The following MPND variants were observed in gnomAD, a reference collection of about 807,000 sequenced individuals.
The protein encoded by MPND is MPN domain containing, also known as MPN domain-containing protein.
MPND carries 56 observed loss-of-function variants against 59.2 expected under a neutral mutation model. The observed-to-expected ratio is 0.95, with a 90% CI of 0.76 to 1.18. The LOEUF (loss-of-function observed/expected upper bound fraction) is 1.18, where lower values mean the gene tolerates loss of function less well. MPND is among the 50% of genes most tolerant of loss of function. The pLI is 0.00. For missense variants in MPND, 671 were observed against 676.0 expected (o/e 0.99, Z 0.08); for synonymous variants, 323 against 291.9 (o/e 1.11, Z -1.09).
chr19:4,346,284 G>A (rs1431205590), intron 3 of MPND, among the ~76,000 whole-genome samples: 1 of 152,194 alleles, frequency 6.6e-6, no homozygotes, highest in Non-Finnish European at 1.5e-5. Context: ...CTGGTGTCAT[G>A]GGTGGCTGAG....
At chr19:4,356,929 T>G in intron 8 of MPND, 1 of 239,672 alleles carries the variant, frequency 4.2e-6, no homozygotes, top group Non-Finnish European at 8.0e-6. Flanking sequence ...CGTGAGCCAC[T>G]GCTCCCAGCC....
At chr19:4,351,539 T>TGGAG (rs1450501383) in intron 3 of MPND, among the ~76,000 whole-genome samples, 1 of 152,126 alleles carries the variant, frequency 6.6e-6, no homozygotes, top group Non-Finnish European at 1.5e-5. Flanking sequence ...CCCGTGGAGT[T>TGGAG]GGAGGTCATT....
At chr19:4,356,235 C>T (rs952432064) in intron 8 of MPND, among the ~76,000 whole-genome samples, 1 of 152,054 alleles carries the variant, frequency 6.6e-6, no homozygotes, top group African/African-American at 2.4e-5. Context: ...GTTTCCTTGT[C>T]TGTAAAATGA....
intron 3 of MPND, among the ~76,000 whole-genome samples, chr19:4,346,356 T>C (rs901747319): frequency 6.6e-6 from 1 of 152,068 alleles, no homozygotes; most frequent in Admixed American, 6.6e-5. Flanking sequence ...GCTATGATAA[T>C]AGATGTTCCC....
Position 4,357,512 on chromosome 19 carries a change from C to T in MPND, c.1166-3C>T, listed in dbSNP as rs757538862. 6.2e-7 allele frequency: 1 copy of T among 1,613,438 alleles called. No individual in the cohort carries two copies. Among genetic ancestry groups the T allele is most frequent in the South Asian group, 1.1e-5 (1 of 90,852 alleles). The stretch of plus-strand genomic sequence containing the variant: ...GCCAACCCCTCTCCCTCTCTCCCGC[C>T]AGCCCCTTACTATTCTGGCAACCCA... On this transcript the variant is annotated splice_polypyrimidine_tract_variant and splice_region_variant and intron_variant, in intron 9 of 12. Coordinates refer to ENST00000599840, the MANE Select transcript of MPND (RefSeq NM_001300862.2).
At chr19:4,345,623 G>A in intron 2 of MPND, 122 bp from the exon 3 acceptor site, 1 of 871,298 alleles carries the variant, frequency 1.1e-6, no homozygotes, top group Non-Finnish European at 1.8e-6. Context: ...GCCGGCCTGA[G>A]AGGTGTTCCT....
chr19:4,359,601 C>A (rs1456735771), intron 12 of MPND, among the ~76,000 whole-genome samples: 1 of 152,168 alleles, frequency 6.6e-6, no homozygotes, highest in Non-Finnish European at 1.5e-5. Flanking sequence ...TTCTGCTCAG[C>A]TCTCGGCTAG....
intron 3 of MPND, among the ~76,000 whole-genome samples, chr19:4,352,025 T>C (rs1599572154): frequency 6.6e-6 from 1 of 150,558 alleles, no homozygotes; most frequent in East Asian, 2.0e-4. Flanking sequence ...AGACAAAAAT[T>C]AGCCAGGCAT....
chr19:4,343,769 C>G lies in MPND; in HGVS notation c.69C>G (p.Asp23Glu), dbSNP rs372519061. 243 of 1,208,520 alleles carry G rather than the reference C, an allele frequency of 2.0e-4. 1 individual carries two copies. In the African/African-American group the frequency reaches 3.5e-3, roughly 17 times the overall value. 74.9% of individuals were successfully genotyped at this position (1,208,520 alleles called of 1,614,324 possible). ...AGEEAPEEDE[D>E]EAEAEDPERP... ...AGGAGGCGCCGGAGGAGGACGAGGA[C>G]GAAGCGGAGGCCGAGGACCCTGAGC... The change falls in exon 2 of 13, where the codon GAC becomes GAG. Residue 23 changes from aspartate (D) to glutamate (E), a missense_variant. Transcript: ENST00000599840.
In MPND at chr19:4,355,152, T is replaced by C. The variant is rs1236234517; in HGVS notation, c.975T>C (p.Thr325=). The C allele has an allele frequency of 3.7e-6, 6 of 1,613,128 alleles. No homozygotes were observed. The African/African-American group carries it at 4.0e-5, about 11-fold the overall frequency. Residue 325 remains threonine (T), a synonymous_variant, in exon 8 of 13, where the codon ACT becomes ACC. Coordinates refer to ENST00000599840, the MANE Select transcript of MPND (RefSeq NM_001300862.2). The stretch of plus-strand genomic sequence containing the variant: ...GGAGCCGGCTCGGGGACGCAGAGAC[T>C]GCAGCTGCCATCGAAGAGGAGGTGA... The part of the protein sequence containing the change: ...PCRSRLGDAE[T]AAAIEEEIYQ...
Position 4,353,324 on chromosome 19 carries a change from G to C in MPND, c.664+295G>C, listed in dbSNP as rs867356844. Among the ~76,000 whole-genome samples the C allele has an allele frequency of 2.6e-5, 4 of 152,208 alleles. No homozygotes were observed. In the Middle Eastern group the frequency reaches 0.014, roughly 521 times the overall value. ...CCTCTGTCGCCCAGGCTGGAATGCA[G>C]TGGCTCAATCTCGGCTCACTGCAAC... On this transcript the variant is annotated intron_variant, in intron 4 of 12. Coordinates refer to ENST00000599840, the MANE Select transcript of MPND (RefSeq NM_001300862.2).
At chr19:4,352,791 A>G in intron 3 of MPND, 106 bp from the exon 4 acceptor site, 1 of 1,192,638 alleles carries the variant, frequency 8.4e-7, no homozygotes, top group East Asian at 3.0e-5. Flanking sequence ...ATGTGGGGCA[A>G]TGGCACTTAC....
At chr19:4,344,418 G>A (rs1249357145) in intron 2 of MPND, among the ~76,000 whole-genome samples, 1 of 152,188 alleles carries the variant, frequency 6.6e-6, no homozygotes, top group East Asian at 1.9e-4. Context: ...CTCCCGTGGA[G>A]GGGACACTGA....
intron 10 of MPND, 59 bp from the exon 11 acceptor site, chr19:4,358,024 C>T (rs1184050120): frequency 7.0e-7 from 1 of 1,433,172 alleles, no homozygotes; most frequent in African/African-American, 1.4e-5. Flanking sequence ...CCAATTGTCC[C>T]CAGCTGCCAT....
chr19:4,353,158 G>T (rs1040610105), intron 4 of MPND, 129 bp downstream of exon 4: 1 of 739,948 alleles, frequency 1.4e-6, no homozygotes, highest in Non-Finnish European at 1.9e-6. Flanking sequence ...AGTCAGCTGG[G>T]CCCTAAGTCT....
intron 3 of MPND, among the ~76,000 whole-genome samples, chr19:4,350,902 G>A (rs1972302065): frequency 6.6e-6 from 1 of 152,040 alleles, no homozygotes; most frequent in South Asian, 2.1e-4. Context: ...CCCAGCCTGG[G>A]GCCAGCAACA....
chr19:4,350,868 G>A (rs1972301176), intron 3 of MPND, among the ~76,000 whole-genome samples: 1 of 152,112 alleles, frequency 6.6e-6, no homozygotes, highest in Admixed American at 6.6e-5. Flanking sequence ...CCTGGGAGGG[G>A]TGTGGAGGGA....
chr19:4,345,751 A>T lies in MPND; in HGVS notation c.301A>T (p.Lys101Ter). 1.2e-6 allele frequency: 2 copies of T among 1,613,778 alleles called. No homozygotes were observed. Among genetic ancestry groups the T allele is most frequent in the East Asian group, 2.2e-5 (1 of 44,878 alleles). Residue 101 changes from lysine to a stop codon, truncating the protein, a stop_gained, in exon 3 of 13, where the codon AAG becomes TAG. Coordinates refer to ENST00000599840, the MANE Select transcript of MPND (RefSeq NM_001300862.2). LOFTEE classifies it high-confidence loss of function. ...CAGCTGACTGTCACTGCAGGGGAAG[A>T]AGTTCCTGGGCGACCTGCAGCCAGA... is the stretch of plus-strand genomic sequence containing the variant. ...GVLSIYYLGKKFLGDLQPDGR... is the reference protein window; with the variant it reads ...GVLSIYYLGK
chr19:4,346,034 G>A, intron 3 of MPND, 53 bp downstream of exon 3: 1 of 1,488,130 alleles, frequency 6.7e-7, no homozygotes. Context: ...TGGAATGAGG[G>A]GTGCCCAGCC....
Sources: gnomAD v4.1 joint callset for allele counts (sites outside exome capture counted in the v4.1 genomes callset) on GRCh38, gnomAD v4.1.1 for gene constraint, MANE v1.5 for transcripts, NCBI Gene and HGNC (gene_info 2026-07-23, HGNC 2026-07-21) for gene names.